The following RFX8 variants were observed in gnomAD, a reference collection of about 807,000 sequenced individuals.
The protein encoded by RFX8 is regulatory factor X8, also known as DNA-binding protein RFX8.
In RFX8, 46 loss-of-function variants were observed where a neutral mutation model predicts 54.6. That is an observed-to-expected ratio of 0.84 (90% confidence interval 0.67 to 1.08). The LOEUF (loss-of-function observed/expected upper bound fraction) is 1.08. Among genes scored for constraint, RFX8 ranks in the 50% least tolerant of loss-of-function variants. The probability of loss-of-function intolerance (pLI) is 0.00; values close to 1 mark genes in which losing one functional copy is unlikely to be tolerated. For missense variants in RFX8, 536 were observed against 562.3 expected (o/e 0.95, Z 0.47); for synonymous variants, 192 against 209.5 (o/e 0.92, Z 0.72).
At chr2:101,431,221 G>A (rs1371352336) in intron 2 of RFX8, among the ~76,000 whole-genome samples, 2 of 152,208 alleles carry the variant, frequency 1.3e-5, no homozygotes, top group East Asian at 1.9e-4. Flanking sequence ...GGCCTTGGTG[G>A]ATATAGCTGT....
Position 101,422,445 on chromosome 2 carries a change from C to T in RFX8, c.100G>A (p.Asp34Asn). The T allele has an allele frequency of 6.5e-7, 1 of 1,549,046 alleles. No homozygotes were observed. The highest frequency in any genetic ancestry group is 1.2e-5 in the South Asian group (1 of 83,988). Residue 34 changes from aspartate to asparagine, a missense_variant, in exon 3 of 12, where the codon GAC (aspartate) becomes AAC (asparagine). Transcript: ENST00000428343. ...TCAGACAAAGGGGATCCAACTGGGTCTGTCTTCATCGGTGAATGATCTTCA... is the reference window on the plus strand; with the variant it reads ...TCAGACAAAGGGGATCCAACTGGGTTTGTCTTCATCGGTGAATGATCTTCA... Reference protein sequence around the residue: ...KCEDHSPMKTDPVGSPLSEFR... With the variant: ...KCEDHSPMKTNPVGSPLSEFR...
At chr2:101,456,510 A>G (rs2148980463) in intron 2 of RFX8, among the ~76,000 whole-genome samples, 1 of 152,332 alleles carries the variant, frequency 6.6e-6, no homozygotes, top group East Asian at 1.9e-4. Flanking sequence ...GTGATGGGTT[A>G]CATTTATTGA....
At chr2:101,435,064 G>C (rs1246616369) in intron 2 of RFX8, 1 of 152,286 alleles carries the variant, frequency 6.6e-6, no homozygotes, top group Non-Finnish European at 1.5e-5. Flanking sequence ...CCCGCTCGCC[G>C]CCAGCGCGGT....
chr2:101,417,668 A>G lies in RFX8; in HGVS notation c.368T>C (p.Leu123Pro). 6.5e-7 allele frequency: 1 copy of G among 1,549,288 alleles called. No homozygotes were observed. The highest frequency in any genetic ancestry group is 8.7e-7 in the Non-Finnish European group (1 of 1,146,104). Residue 123 changes from leucine to proline, a missense_variant, in exon 6 of 12, where the codon CTC (leucine) becomes CCC (proline). Transcript: ENST00000428343. ...AACATCTTCCAAGAAGTCATGAAGG[A>G]GAACATCCTCAATTCCCTACAACAA... ...VQLYKGIEDV[L>P]LHDFLEDVSI...
At chr2:101,429,324 T>C (rs1325276027) in intron 2 of RFX8, among the ~76,000 whole-genome samples, 1 of 152,202 alleles carries the variant, frequency 6.6e-6, no homozygotes, top group Non-Finnish European at 1.5e-5. Flanking sequence ...TGAACGTGAA[T>C]TCTTATTACT....
intron 2 of RFX8, among the ~76,000 whole-genome samples, chr2:101,432,661 G>C (rs975775433): frequency 6.6e-6 from 1 of 152,116 alleles, no homozygotes. Context: ...GTGTGGCTCT[G>C]AGTCAGGCCT....
intron 11 of RFX8, among the ~76,000 whole-genome samples, chr2:101,398,360 G>A (rs1685244126): frequency 6.6e-6 from 1 of 152,110 alleles, no homozygotes; most frequent in South Asian, 2.1e-4. Flanking sequence ...GAAAGAAGAT[G>A]AGTCATGAAA....
chr2:101,466,138 C>T (rs1689560818), intron 2 of RFX8, among the ~76,000 whole-genome samples: 1 of 152,014 alleles, frequency 6.6e-6, no homozygotes, highest in Non-Finnish European at 1.5e-5. Context: ...AATGGTTTGG[C>T]CACATCCCTT....
intron 1 of RFX8, among the ~76,000 whole-genome samples, chr2:101,473,322 G>A (rs966608309): frequency 1.3e-5 from 2 of 152,220 alleles, no homozygotes; most frequent in African/African-American, 4.8e-5. Flanking sequence ...GATGCATGAG[G>A]GGCCTGGGTC....
chr2:101,461,207 G>A (rs1176353654), intron 2 of RFX8, among the ~76,000 whole-genome samples: 2 of 141,760 alleles, frequency 1.4e-5, no homozygotes, highest in African/African-American at 2.6e-5. Context: ...AGGTTGCAGT[G>A]AGCCGAGATC....
At chr2:101,461,473 C>A (rs182124445) in intron 2 of RFX8, among the ~76,000 whole-genome samples, 3 of 152,144 alleles carry the variant, frequency 2.0e-5, no homozygotes, top group African/African-American at 7.2e-5. Flanking sequence ...TCCAGATGCA[C>A]GTCTTAAGTA....
intron 2 of RFX8, among the ~76,000 whole-genome samples, chr2:101,437,907 C>T (rs2148953660): frequency 6.6e-6 from 1 of 152,240 alleles, no homozygotes; most frequent in Non-Finnish European, 1.5e-5. Flanking sequence ...CTTGCTTCCC[C>T]CATCCCTACG....
chr2:101,398,372 T>C (rs1685244616), intron 11 of RFX8, among the ~76,000 whole-genome samples: 1 of 152,054 alleles, frequency 6.6e-6, no homozygotes. Flanking sequence ...GTCATGAAAG[T>C]CGGGAGGGAG....
rs1303881401 is a variant in RFX8 at position 101,417,697 on chromosome 2, T to C, written c.352-13A>G. 1 of 1,541,378 alleles carries C rather than the reference T, an allele frequency of 6.5e-7. No homozygotes were observed. The highest frequency in any genetic ancestry group is 8.8e-7 in the Non-Finnish European group (1 of 1,141,550). ...CATCCTCAATTCCCTACAACAAAAG[T>C]AACAAGACACTATGATTCTGCTGAT... On this transcript the variant is annotated splice_polypyrimidine_tract_variant and intron_variant, in intron 5 of 11. Transcript: ENST00000428343.
At chr2:101,469,636 A>T (rs1232470887) in intron 1 of RFX8, among the ~76,000 whole-genome samples, 5 of 152,196 alleles carry the variant, frequency 3.3e-5, no homozygotes, top group African/African-American at 1.2e-4. Context: ...TCCTTAAAAA[A>T]GAAGTGTAAA....
At chr2:101,468,743 T>C (rs764094535) in intron 1 of RFX8, among the ~76,000 whole-genome samples, 3 of 151,664 alleles carry the variant, frequency 2.0e-5, no homozygotes, top group African/African-American at 4.8e-5. Context: ...TGAGTTTTTT[T>C]TGGGGGGATG....
intron 4 of RFX8, among the ~76,000 whole-genome samples, chr2:101,420,660 A>G (rs1214960633): frequency 1.3e-5 from 2 of 152,318 alleles, no homozygotes; most frequent in Middle Eastern, 3.4e-3. Context: ...TACCTGCACC[A>G]TGGGTCCTAC....
chr2:101,444,769 T>TA (rs1688280230), intron 2 of RFX8, among the ~76,000 whole-genome samples: 1 of 152,202 alleles, frequency 6.6e-6, no homozygotes, highest in South Asian at 2.1e-4. Flanking sequence ...GCAGACTTGA[T>TA]AAAATAAATA....
chr2:101,441,074 C>G (rs1231491531), intron 2 of RFX8, among the ~76,000 whole-genome samples: 1 of 150,116 alleles, frequency 6.7e-6, no homozygotes, highest in Admixed American at 6.8e-5. Context: ...TCATGCCATT[C>G]TCCTGCCTCA....
Sources: allele counts gnomAD v4.1 joint callset (sites outside exome capture counted in the v4.1 genomes callset), GRCh38; gene constraint gnomAD v4.1.1; transcripts MANE v1.5; gene names NCBI Gene and HGNC (gene_info 2026-07-23, HGNC 2026-07-21).